Variants in WDFY4 observed in about 807,000 individuals in gnomAD.
WDFY4 encodes WD repeat- and FYVE domain-containing protein 4.
Under a neutral mutation model 351.9 loss-of-function variants are expected in WDFY4, and 169 were observed. The observed-to-expected ratio is 0.48, with a 90% CI of 0.42 to 0.55. WDFY4 has a LOEUF of 0.55. WDFY4 is among the 20% of genes least tolerant of loss of function. WDFY4 has a pLI of 0.00. For missense variants in WDFY4, 3,803 were observed against 3,935.6 expected (o/e 0.97, Z 0.90); for synonymous variants, 1,622 against 1,574.6 (o/e 1.03, Z -0.71).
intron 43 of WDFY4, among the ~76,000 whole-genome samples, chr10:48,885,068 C>CT (rs112520065): frequency 2.1e-4 from 32 of 149,900 alleles, no homozygotes; most frequent in African/African-American, 5.6e-4. Flanking sequence ...CAGATGAAAC[C>CT]TTTTTTTTTT....
At position 48,797,604 on chromosome 10, in the gene WDFY4, C is replaced by T. The variant is rs200652087; in HGVS notation, c.4410+1154C>T. Among the ~76,000 whole-genome samples, 3 of 151,898 alleles carry T rather than the reference C, an allele frequency of 2.0e-5. No homozygotes were observed. In the East Asian group the frequency reaches 5.8e-4, roughly 29 times the overall value. ...AACATTTAAACATTTTCATTACAAA[C>T]ACAAGCACTGTTTTGAGATCAGAAT... is the stretch of plus-strand genomic sequence containing the variant. On this transcript the variant is annotated intron_variant, in intron 24 of 61. Transcript: ENST00000325239.
At chr10:48,698,583 T>C (rs989107304) in intron 1 of WDFY4, among the ~76,000 whole-genome samples, 1 of 152,148 alleles carries the variant, frequency 6.6e-6, no homozygotes, top group Non-Finnish European at 1.5e-5. Flanking sequence ...CAGTCTTTGC[T>C]CAATTTATTC....
intron 2 of WDFY4, among the ~76,000 whole-genome samples, chr10:48,710,598 G>A (rs191315679): frequency 6.6e-6 from 1 of 152,348 alleles, no homozygotes; most frequent in Non-Finnish European, 1.5e-5. Context: ...GCTTCTTTGG[G>A]AGGGAGGAGA....
At chr10:48,863,111 T>C (rs1201967597) in intron 39 of WDFY4, among the ~76,000 whole-genome samples, 1 of 152,184 alleles carries the variant, frequency 6.6e-6, no homozygotes, top group Non-Finnish European at 1.5e-5. Context: ...TTGGTGGACA[T>C]TTAGGTTGTT....
At chr10:48,960,194 T>C (rs1243302944) in intron 53 of WDFY4, among the ~76,000 whole-genome samples, 3 of 152,160 alleles carry the variant, frequency 2.0e-5, no homozygotes, top group African/African-American at 7.2e-5. Context: ...CCAAAAATTT[T>C]CCAGAACTGG....
At chr10:48,865,663 A>C (rs1360366301) in intron 39 of WDFY4, among the ~76,000 whole-genome samples, 1 of 152,230 alleles carries the variant, frequency 6.6e-6, no homozygotes, top group Non-Finnish European at 1.5e-5. Flanking sequence ...AGTGGTGGTT[A>C]GGATTCAGCA....
intron 51 of WDFY4, among the ~76,000 whole-genome samples, chr10:48,953,325 T>TCA (rs1336325628): frequency 7.9e-6 from 1 of 126,324 alleles, no homozygotes; most frequent in Non-Finnish European, 1.7e-5. Context: ...TCTCTCTCTC[T>TCA]CTCTCTCTCA....
In WDFY4 at chr10:48,743,494, A is replaced by C; in HGVS notation, c.2405A>C (p.Glu802Ala). The stretch of plus-strand genomic sequence containing the variant: ...CCGGTTGTGGATGTTCAGAAGGGAG[A>C]AACTGGCAGTGACCCCCAACGCAAC... ...QGPVVDVQKG[E>A]TGSDPQRNFK... Residue 802 changes from glutamate (E) to alanine (A), a missense_variant, in exon 12 of 62, where the codon GAA becomes GCA. Physicochemically the swap from Glu to Ala is moderately radical, Grantham distance 107 (BLOSUM62 -1). Around this residue, in one of 3 missense-constraint regions of WDFY4, gnomAD observed 3,054 missense variants for 3,148.6 expected, o/e 0.97. Coordinates refer to ENST00000325239, the MANE Select transcript of WDFY4 (RefSeq NM_001394531.1). The C allele has an allele frequency of 6.5e-7, 1 of 1,543,450 alleles. No homozygotes were observed. Among genetic ancestry groups the C allele is most frequent in the Non-Finnish European group, 8.7e-7 (1 of 1,146,712 alleles).
chr10:48,822,928 T>C (rs954008218), intron 35 of WDFY4, among the ~76,000 whole-genome samples: 1 of 152,248 alleles, frequency 6.6e-6, no homozygotes, highest in Admixed American at 6.5e-5. Flanking sequence ...TTTTATTTTC[T>C]TCTTTAATAC....
intron 51 of WDFY4, 128 bp downstream of exon 51, chr10:48,947,097 A>G: frequency 4.0e-6 from 3 of 751,878 alleles, no homozygotes; most frequent in South Asian, 1.9e-5. Flanking sequence ...GTCATTAGCC[A>G]GTGATTCCCA....
chr10:48,815,058 A>G (rs1416072372), intron 31 of WDFY4, among the ~76,000 whole-genome samples: 1 of 152,186 alleles, frequency 6.6e-6, no homozygotes, highest in East Asian at 1.9e-4. Context: ...TTCTGTCTTG[A>G]TGACCTCTTT....
intron 39 of WDFY4, among the ~76,000 whole-genome samples, chr10:48,857,978 G>A: frequency 6.6e-6 from 1 of 152,010 alleles, no homozygotes; most frequent in South Asian, 2.1e-4. Flanking sequence ...ATTTTCAGTA[G>A]AGACAAGGTT....
chr10:48,694,827 C>T (rs183168004), intron 1 of WDFY4, among the ~76,000 whole-genome samples: 133 of 152,254 alleles, frequency 8.7e-4, no homozygotes, highest in Admixed American at 8.0e-3. Context: ...CAGTGTCCAC[C>T]ACTGGCACCA....
chr10:48,740,363 T>C (rs1181928426), intron 11 of WDFY4, among the ~76,000 whole-genome samples: 1 of 152,234 alleles, frequency 6.6e-6, no homozygotes, highest in Non-Finnish European at 1.5e-5. Flanking sequence ...AACTCAACCA[T>C]AAAAATAACA....
At chr10:48,824,097 C>T (rs759220694) in intron 35 of WDFY4, 15 of 985,304 alleles carry the variant, frequency 1.5e-5, no homozygotes, top group Non-Finnish European at 1.8e-5. Context: ...CATGCTAAGG[C>T]TACAAATCAG....
chr10:48,979,144 A>G (rs1842701620), intron 60 of WDFY4, among the ~76,000 whole-genome samples: 1 of 152,206 alleles, frequency 6.6e-6, no homozygotes, highest in African/African-American at 2.4e-5. Flanking sequence ...ATCTGGGCTG[A>G]GCCAAGGCAA....
At chr10:48,949,169 T>A (rs1589975806) in intron 51 of WDFY4, among the ~76,000 whole-genome samples, 1 of 152,228 alleles carries the variant, frequency 6.6e-6, no homozygotes, top group East Asian at 1.9e-4. Context: ...GGGGCTCAGA[T>A]CTGTCTTGGG....
intron 47 of WDFY4, among the ~76,000 whole-genome samples, chr10:48,941,523 G>A (rs1332745687): frequency 6.6e-6 from 1 of 152,210 alleles, no homozygotes; most frequent in African/African-American, 2.4e-5. Context: ...CCCCAAGCCT[G>A]AGGCTGCATG....
intron 8 of WDFY4, 124 bp downstream of exon 8, chr10:48,729,713 A>C (rs1333811434): frequency 1.3e-5 from 17 of 1,287,730 alleles, no homozygotes; most frequent in Non-Finnish European, 1.8e-5. Context: ...ATTCTGTCAC[A>C]ACCTTTGGGG....
Sources: allele counts gnomAD v4.1 joint callset (sites outside exome capture counted in the v4.1 genomes callset), GRCh38; gene constraint gnomAD v4.1.1; regional missense constraint gnomAD v4.1.1; transcripts MANE v1.5; gene names NCBI Gene and HGNC (gene_info 2026-07-23, HGNC 2026-07-21).